TTL: variants seen among roughly 807,000 people sequenced by gnomAD.
TTL encodes the protein tubulin--tyrosine ligase.
TTL carries 10 observed loss-of-function variants against 41.1 expected under a neutral mutation model. The ratio of observed to expected loss-of-function variants is 0.24; its 90% CI spans 0.15 to 0.41. TTL has a LOEUF of 0.41. Ranked by LOEUF, TTL falls within the 10% of genes least tolerant of loss-of-function variation. The pLI, the probability that TTL is intolerant of heterozygous loss-of-function variation, is 1.00. For synonymous variants in TTL, 175 were observed against 175.5 expected, an observed-to-expected ratio of 1.00 and a Z score of 0.02; for missense variants, 367 against 460.4, an observed-to-expected ratio of 0.80 and a Z score of 1.86.
chr2:112,498,759 G>A (rs976093037), intron 3 of TTL, among the ~76,000 whole-genome samples: 2 of 151,694 alleles, frequency 1.3e-5, no homozygotes, highest in African/African-American at 2.4e-5. Context: ...ACAAAAATTA[G>A]CCAGGCATGG....
At chr2:112,493,519 G>A (rs1040774064) in intron 2 of TTL, among the ~76,000 whole-genome samples, 1 of 152,204 alleles carries the variant, frequency 6.6e-6, no homozygotes, top group Non-Finnish European at 1.5e-5. Context: ...AGATGCAGAG[G>A]GAAGCCCCTG....
Position 112,529,898 on chromosome 2 carries a change from G to C in TTL, c.*1103G>C. The C allele has an allele frequency of 4.4e-6, 1 of 224,770 alleles. No individual in the cohort carries two copies. Among genetic ancestry groups the C allele is most frequent in the Non-Finnish European group, 8.9e-6 (1 of 112,658 alleles). 13.9% of individuals were successfully genotyped at this position (224,770 alleles called of 1,614,324 possible). Reference sequence around the variant, plus strand: ...AAAGAAGTGGTTTCATCTCCACACAGTGTCTTGTAAATCTCAACAAATGTG... The same window carrying C: ...AAAGAAGTGGTTTCATCTCCACACACTGTCTTGTAAATCTCAACAAATGTG... On this transcript the variant is annotated 3_prime_UTR_variant, in exon 7 of 7. Coordinates refer to ENST00000233336, the MANE Select transcript of TTL (RefSeq NM_153712.5).
chr2:112,499,962 CAAG>C (rs762286392), intron 3 of TTL, among the ~76,000 whole-genome samples: 17 of 152,196 alleles, frequency 1.1e-4, no homozygotes, highest in Middle Eastern at 3.4e-3. Flanking sequence ...AAGAGGCAGA[CAAG>C]AATGGAACCA....
rs1127264 is a variant in TTL, at chr2:112,531,011, C to T, written c.*2216C>T. 0.24 allele frequency: 45,469 copies of T among 189,654 alleles called. 6,545 individuals are homozygous for T. The highest frequency in any genetic ancestry group is 0.57 in the East Asian group (6,844 of 11,938). 11.7% of individuals were successfully genotyped at this position (189,654 alleles called of 1,614,324 possible). On this transcript the variant is annotated 3_prime_UTR_variant, in exon 7 of 7. Coordinates refer to ENST00000233336, the MANE Select transcript of TTL (RefSeq NM_153712.5). ...AGAGACGTGGTCTCACTGTGTTGCCCAGGCTGGATTGCAGTGGCTATTCGC... is the reference window on the plus strand; with the variant it reads ...AGAGACGTGGTCTCACTGTGTTGCCTAGGCTGGATTGCAGTGGCTATTCGC...
At chr2:112,491,488 G>T (rs1400039466) in intron 2 of TTL, among the ~76,000 whole-genome samples, 2 of 152,066 alleles carry the variant, frequency 1.3e-5, no homozygotes, top group East Asian at 1.9e-4. Context: ...TGTAGTCTGT[G>T]GGCAATTGTG....
rs1287595631 is a variant in TTL at position 112,537,959 on chromosome 2, C to G, written c.*9164C>G. On this transcript the variant is annotated 3_prime_UTR_variant, in exon 7 of 7. Coordinates refer to ENST00000233336, the MANE Select transcript of TTL (RefSeq NM_153712.5). ...ATGGAACATTCTCTGGGGTAGATCA[C>G]ATGCTAGGCCATAAAACAAGTCTCA... 1.3e-5 allele frequency: 2 copies of G among 152,172 alleles called. No individual in the cohort carries two copies. Among genetic ancestry groups the G allele is most frequent in the Non-Finnish European group, 2.9e-5 (2 of 68,040 alleles). 9.4% of individuals were successfully genotyped at this position (152,172 alleles called of 1,614,324 possible).
intron 6 of TTL, among the ~76,000 whole-genome samples, chr2:112,526,894 A>G (rs546212854): frequency 3.7e-4 from 56 of 152,302 alleles, no homozygotes; most frequent in African/African-American, 1.3e-3. Context: ...TATCAATTTT[A>G]GATCTTTCCT....
chr2:112,525,381 T>C (rs1051842279), intron 6 of TTL, among the ~76,000 whole-genome samples: 37 of 152,108 alleles, frequency 2.4e-4, no homozygotes, highest in African/African-American at 8.7e-4. Flanking sequence ...TTACCTTGGG[T>C]AGTATGGCCA....
At chr2:112,484,241 T>G (rs372202044) in intron 1 of TTL, among the ~76,000 whole-genome samples, 32 of 151,744 alleles carry the variant, frequency 2.1e-4, no homozygotes, top group African/African-American at 7.5e-4. Flanking sequence ...TGTGTTTTTT[T>G]TTTTTTTTGT....
At chr2:112,514,543 G>T (rs940460806) in intron 5 of TTL, among the ~76,000 whole-genome samples, 1 of 152,156 alleles carries the variant, frequency 6.6e-6, no homozygotes, top group Non-Finnish European at 1.5e-5. Flanking sequence ...TACTCTGAAG[G>T]TTGCATACCA....
At position 112,540,441 on chromosome 2, in the gene TTL, A is replaced by G. The variant is rs34216136; in HGVS notation, c.*11646A>G. 2 of 128,142 alleles carry G rather than the reference A, an allele frequency of 1.6e-5. No homozygotes were observed. The highest frequency in any genetic ancestry group is 5.4e-4 in the South Asian group (2 of 3,720). The allele number at this position is 128,142 out of a possible 1,614,324, so 7.9% of individuals were successfully genotyped here. A position where few individuals can be genotyped will look rare whatever the true frequency, so the allele number is the denominator to read the frequency against. On this transcript the variant is annotated 3_prime_UTR_variant, in exon 7 of 7. Coordinates refer to ENST00000233336, the MANE Select transcript of TTL (RefSeq NM_153712.5). The stretch of plus-strand genomic sequence containing the variant: ...CTCAAAAAAACAAAAAACAAAAAAA[A>G]AAAAAAAAGAGAAAGAAATTGACAA...
chr2:112,523,773 T>G (rs1196919376), intron 6 of TTL, among the ~76,000 whole-genome samples: 3 of 7,874 alleles, frequency 3.8e-4, no homozygotes, highest in Admixed American at 6.8e-3. Context: ...GCAACCAGTT[T>G]TTTTTTTTCT....
chr2:112,499,011 G>A (rs1359895213), intron 3 of TTL, among the ~76,000 whole-genome samples: 1 of 151,312 alleles, frequency 6.6e-6, no homozygotes, highest in Non-Finnish European at 1.5e-5. Flanking sequence ...TAGTATTCAT[G>A]AAAAAATAGA....
At chr2:112,520,192 A>T in intron 5 of TTL, 90 bp from the exon 6 acceptor site, 4 of 1,376,028 alleles carry the variant, frequency 2.9e-6, no homozygotes, top group South Asian at 1.3e-5. Flanking sequence ...ATTTGTATTC[A>T]TCTCATATAA....
intron 3 of TTL, among the ~76,000 whole-genome samples, chr2:112,498,331 A>G (rs61079483): frequency 1.3e-5 from 2 of 152,092 alleles, no homozygotes; most frequent in Non-Finnish European, 2.9e-5. Flanking sequence ...CTAAAAAAAA[A>G]CCAAAAAACT....
chr2:112,488,968 TC>T (rs755444916), intron 2 of TTL, among the ~76,000 whole-genome samples: 3 of 151,676 alleles, frequency 2.0e-5, no homozygotes, highest in East Asian at 3.9e-4. Context: ...GCGCCTGTAG[TC>T]CCAGCTACTT....
intron 2 of TTL, among the ~76,000 whole-genome samples, chr2:112,487,856 C>T (rs977336165): frequency 3.9e-5 from 6 of 152,180 alleles, no homozygotes; most frequent in African/African-American, 1.2e-4. Flanking sequence ...ATCCATTTGT[C>T]TCTCTCCCAT....
At position 112,482,304 on chromosome 2, in the gene TTL, T is replaced by A; in HGVS notation, c.-41T>A. 1 of 1,416,694 alleles carries A rather than the reference T, an allele frequency of 7.1e-7. No homozygotes were observed. The highest frequency in any genetic ancestry group is 1.3e-5 in the South Asian group (1 of 78,200). The allele number at this position is 1,416,694 out of a possible 1,614,324, so 87.8% of individuals were successfully genotyped here. A position where few individuals can be genotyped will look rare whatever the true frequency, so the allele number is the denominator to read the frequency against. On this transcript the variant is annotated 5_prime_UTR_variant, in exon 1 of 7. Coordinates refer to ENST00000233336, the MANE Select transcript of TTL (RefSeq NM_153712.5). The surrounding 1 kb of genome is among the most constrained non-coding windows in gnomAD (Gnocchi z 5.3). ...GCCGCCTTCTCGGCCGCCTGGTCCC[T>A]GCGGCGGCTGCCCGGCGGCCCGGGC...
intron 2 of TTL, among the ~76,000 whole-genome samples, 178 bp from the exon 3 acceptor site, chr2:112,493,965 G>A (rs148514733): frequency 1.3e-5 from 2 of 152,124 alleles, no homozygotes; most frequent in Non-Finnish European, 2.9e-5. Context: ...TAACAGCTGT[G>A]CGCTCCCCAA....
Sources: allele counts gnomAD v4.1 joint callset (sites outside exome capture counted in the v4.1 genomes callset), GRCh38; gene constraint gnomAD v4.1.1; non-coding constraint Gnocchi (gnomAD v3.1); transcripts MANE v1.5; gene names NCBI Gene and HGNC (gene_info 2026-07-23, HGNC 2026-07-21).